RNF19B: variants seen among roughly 807,000 people sequenced by gnomAD.
RNF19B encodes the protein E3 ubiquitin-protein ligase RNF19B.
Under a neutral mutation model 65.5 loss-of-function variants are expected in RNF19B, and 23 were observed. That is an observed-to-expected ratio of 0.35 (90% CI 0.25 to 0.50). RNF19B has a LOEUF of 0.50. Ranked by LOEUF, RNF19B falls within the 20% of genes least tolerant of loss-of-function variation. RNF19B has a pLI of 0.98. For synonymous variants in RNF19B, 372 were observed against 379.6 expected, an observed-to-expected ratio of 0.98 and a Z score of 0.23; for missense variants, 794 against 980.0, an observed-to-expected ratio of 0.81 and a Z score of 2.53.
intron 1 of RNF19B, among the ~76,000 whole-genome samples, chr1:32,959,915 G>C (rs1400691976): frequency 3.3e-5 from 5 of 151,666 alleles, no homozygotes; most frequent in Admixed American, 6.6e-5. Context: ...ACCAGGCGTG[G>C]TGGTGGGCGC....
intron 1 of RNF19B, 133 bp from the exon 2 acceptor site, chr1:32,949,907 CACACATAT>C: frequency 1.6e-6 from 1 of 638,456 alleles, no homozygotes; most frequent in Non-Finnish European, 2.8e-6. Flanking sequence ...AATACACATA[CACACATAT>C]ACACACACAA....
At chr1:32,952,895 A>G (rs887233552) in intron 1 of RNF19B, among the ~76,000 whole-genome samples, 1 of 151,744 alleles carries the variant, frequency 6.6e-6, no homozygotes, top group African/African-American at 2.4e-5. Flanking sequence ...CCTGGGTGAC[A>G]GAGTGAGATT....
Position 32,937,089 on chromosome 1 carries a change from T to C in RNF19B, c.1913A>G (p.His638Arg), listed in dbSNP as rs769495333. The change falls in exon 9 of 9, where the codon CAC (histidine) becomes CGC (arginine). Residue 638 changes from histidine (H) to arginine (R), a missense_variant. By Grantham distance (29) the His-to-Arg change is conservative. This residue lies in a region of RNF19B where 368 missense variants were observed against 447.3 expected (regional missense o/e 0.82). Coordinates refer to ENST00000235150, the MANE Select transcript of RNF19B (RefSeq NM_001300826.2). ...GGSEEDPPCR[H>R]QSCEQKDCLA... ...GCAGTCTTTCTGTTCACAGCTTTGG[T>C]GTCTGCAGGGGGGATCCTCTTCACT... 43 of 1,614,032 alleles carry C rather than the reference T, an allele frequency of 2.7e-5. No homozygotes were observed. The highest frequency in any genetic ancestry group is 3.3e-5 in the Non-Finnish European group (39 of 1,180,028).
chr1:32,935,816 G>C (rs1041702039), downstream of RNF19B, among the ~76,000 whole-genome samples: 1 of 151,620 alleles, frequency 6.6e-6, no homozygotes, highest in African/African-American at 2.4e-5. Flanking sequence ...CAGTGATGTC[G>C]GCTCCCTGCA....
At chr1:32,929,716 T>C in the RNF19B span, among the ~76,000 whole-genome samples, 9 of 152,284 alleles carry the variant, frequency 5.9e-5, no homozygotes, top group South Asian at 2.1e-4. Flanking sequence ...TCTGTAAATC[T>C]CCATTTTGGT....
chr1:32,938,140 C>CAAAAAAA (rs80176999), intron 8 of RNF19B, among the ~76,000 whole-genome samples: 83 of 46,048 alleles, frequency 1.8e-3, no homozygotes, highest in Non-Finnish European at 2.1e-3. Context: ...CCAAGAAAGA[C>CAAAAAAA]AAAAAAAAAA....
the RNF19B span, among the ~76,000 whole-genome samples, chr1:32,929,441 T>C: frequency 6.6e-6 from 1 of 152,274 alleles, no homozygotes; most frequent in East Asian, 1.9e-4. Flanking sequence ...ATTCGACCCA[T>C]AACACCATGG....
At chr1:32,961,353 A>C (rs1642765251) in intron 1 of RNF19B, among the ~76,000 whole-genome samples, 1 of 152,188 alleles carries the variant, frequency 6.6e-6, no homozygotes, top group Non-Finnish European at 1.5e-5. Context: ...TGACAAGCAA[A>C]TGCTTTTTAA....
At position 32,937,363 on chromosome 1, in the gene RNF19B, T is replaced by C; in HGVS notation, c.1743-104A>G. 3.9e-6 allele frequency: 6 copies of C among 1,555,000 alleles called. No individual in the cohort carries two copies. In the South Asian group the frequency reaches 6.7e-5, roughly 17 times the overall value. On this transcript the variant is annotated intron_variant, in intron 8 of 8. Transcript: ENST00000235150. The stretch of plus-strand genomic sequence containing the variant: ...GGATTAGGAATTTCAAAAAGATAGG[T>C]GAACAGTTAACTAGAGCTCACTTTT...
chr1:32,941,553 AAAAT>A (rs994810727), intron 7 of RNF19B, among the ~76,000 whole-genome samples: 120 of 152,016 alleles, frequency 7.9e-4, no homozygotes, highest in African/African-American at 2.9e-3. Context: ...AAAATAAAAT[AAAAT>A]AAATAAGCCA....
At chr1:32,937,415 C>A in intron 8 of RNF19B, 156 bp from the exon 9 acceptor site, 4 of 1,183,756 alleles carry the variant, frequency 3.4e-6, no homozygotes, top group Non-Finnish European at 4.8e-6. Context: ...TAATCTAACA[C>A]TCAAATGAGA....
In RNF19B at chr1:32,942,344, T is replaced by C. The variant is rs747426073; in HGVS notation, c.1518A>G (p.Gln506=). 7.6e-5 allele frequency: 123 copies of C among 1,614,108 alleles called. No individual in the cohort carries two copies. The highest frequency in any genetic ancestry group is 1.0e-4 in the Non-Finnish European group (121 of 1,180,036). ...GSPTDGLSVM[Q]GPYSETASFA... ...AGCTGGCCGTTTCGCTGTAAGGACC[T>C]TGCATAACACTAAGTCCATCTGTAG... Residue 506 remains glutamine, a synonymous_variant, in exon 7 of 9, where the codon CAA becomes CAG. Coordinates refer to ENST00000235150, the MANE Select transcript of RNF19B (RefSeq NM_001300826.2).
At chr1:32,944,924 G>A (rs1192831606) in intron 5 of RNF19B, among the ~76,000 whole-genome samples, 1 of 152,014 alleles carries the variant, frequency 6.6e-6, no homozygotes, top group Non-Finnish European at 1.5e-5. Context: ...TCCTGACCTC[G>A]TGATCCGCCC....
intron 1 of RNF19B, among the ~76,000 whole-genome samples, chr1:32,954,422 G>A (rs1642586086): frequency 1.3e-5 from 2 of 151,774 alleles, no homozygotes; most frequent in Admixed American, 6.6e-5. Flanking sequence ...TCTGACTCAT[G>A]CTGCATGACA....
At chr1:32,960,053 A>C (rs1642734076) in intron 1 of RNF19B, among the ~76,000 whole-genome samples, 1 of 152,056 alleles carries the variant, frequency 6.6e-6, no homozygotes. Context: ...TCCGTCTCAA[A>C]AAAAAAAAAA....
chr1:32,945,290 A>G (rs1345656612), intron 5 of RNF19B, among the ~76,000 whole-genome samples: 1 of 152,230 alleles, frequency 6.6e-6, no homozygotes, highest in Admixed American at 6.5e-5. Flanking sequence ...TCTATGTGCC[A>G]AATGGAGTTC....
chr1:32,938,327 T>C (rs1414296908), intron 8 of RNF19B, 70 bp downstream of exon 8: 7 of 1,541,216 alleles, frequency 4.5e-6, no homozygotes, highest in Admixed American at 3.3e-5. Flanking sequence ...ACATGAGGCA[T>C]TGAACTTCTG....
intron 6 of RNF19B, among the ~76,000 whole-genome samples, chr1:32,943,308 A>G (rs1250734905): frequency 6.6e-6 from 1 of 151,874 alleles, no homozygotes; most frequent in Non-Finnish European, 1.5e-5. Context: ...GTAAGATGAA[A>G]GCTTAAAGAA....
Position 32,936,677 on chromosome 1 carries a change from CAAAA to C in RNF19B, c.*125_*128del. The C allele has an allele frequency of 1.8e-4, 171 of 963,522 alleles. No homozygotes were observed. Among genetic ancestry groups the C allele is most frequent in the Middle Eastern group, 3.3e-4 (1 of 2,996 alleles). 59.7% of individuals were successfully genotyped at this position (963,522 alleles called of 1,614,324 possible). On this transcript the variant is annotated 3_prime_UTR_variant, in exon 9 of 9. Coordinates refer to ENST00000235150, the MANE Select transcript of RNF19B (RefSeq NM_001300826.2). ...GTGAATTTCTCAGAATTTCCCTGGG[CAAAA>C]ACCTGTGACCAGAGAATCTGTGAAA...
Sources: gnomAD v4.1 joint callset for allele counts (sites outside exome capture counted in the v4.1 genomes callset) on GRCh38, gnomAD v4.1.1 for gene constraint, gnomAD v4.1.1 regional missense constraint, MANE v1.5 for transcripts, NCBI Gene and HGNC (gene_info 2026-07-23, HGNC 2026-07-21) for gene names.